Variants in EPB41L4A observed in about 807,000 individuals in gnomAD.
The protein encoded by EPB41L4A is erythrocyte membrane protein band 4.1 like 4A.
A neutral mutation model predicts 108.6 loss-of-function variants in EPB41L4A; 100 were observed. The observed-to-expected ratio is 0.92, with a 90% confidence interval of 0.78 to 1.09. The LOEUF (loss-of-function observed/expected upper bound fraction) is 1.09, where lower values mean the gene tolerates loss of function less well. EPB41L4A is among the 50% of genes least tolerant of loss of function. The pLI is 0.00. For synonymous variants in EPB41L4A, 319 were observed against 289.0 expected, an observed-to-expected ratio of 1.10 and a Z score of -1.05; for missense variants, 1,030 against 842.7, an observed-to-expected ratio of 1.22 and a Z score of -2.75.
At chr5:112,333,125 T>C (rs1371502209) in intron 1 of EPB41L4A, among the ~76,000 whole-genome samples, 1 of 151,282 alleles carries the variant, frequency 6.6e-6, no homozygotes, top group African/African-American at 2.4e-5. Flanking sequence ...TGCAGGACTA[T>C]TATCTTTCTC....
chr5:112,382,674 T>C (rs2112614772), intron 1 of EPB41L4A, among the ~76,000 whole-genome samples: 1 of 152,242 alleles, frequency 6.6e-6, no homozygotes, highest in Non-Finnish European at 1.5e-5. Context: ...CACTGTCACT[T>C]GATGTGGGAG....
chr5:112,184,399 C>G (rs1262201707), intron 17 of EPB41L4A, among the ~76,000 whole-genome samples: 1 of 152,114 alleles, frequency 6.6e-6, no homozygotes, highest in Non-Finnish European at 1.5e-5. Flanking sequence ...AGACATGTAT[C>G]AAAAACTTAT....
chr5:112,153,014 T>G (rs1275515060), intron 12 of EPB41L4A, among the ~76,000 whole-genome samples: 1 of 135,998 alleles, frequency 7.4e-6, no homozygotes. Context: ...AGTTCAGGAG[T>G]TCGAGACTAG....
At chr5:112,274,519 A>T (rs538347258) in intron 4 of EPB41L4A, among the ~76,000 whole-genome samples, 1 of 152,302 alleles carries the variant, frequency 6.6e-6, no homozygotes, top group Admixed American at 6.5e-5. Context: ...GAAAGCATGG[A>T]ATAGAAACAA....
At position 112,163,854 on chromosome 5, in the gene EPB41L4A, A is replaced by T. The variant is rs1433896563; in HGVS notation, c.*1136T>A. 1.3e-5 allele frequency: 2 copies of T among 152,278 alleles called. No homozygotes were observed. The highest frequency in any genetic ancestry group is 2.9e-5 in the Non-Finnish European group (2 of 68,060). 9.4% of individuals were successfully genotyped at this position (152,278 alleles called of 1,614,324 possible). A position where few individuals can be genotyped will look rare whatever the true frequency, so the allele number is the denominator to read the frequency against. On this transcript the variant is annotated 3_prime_UTR_variant, in exon 23 of 23. Coordinates refer to ENST00000261486, the MANE Select transcript of EPB41L4A (RefSeq NM_022140.5). ...GAATAATTGAATACATTAATATAGG[A>T]GGACAGACAAAGATCCTGAAAAGGC...
intron 1 of EPB41L4A, among the ~76,000 whole-genome samples, chr5:112,384,102 G>C (rs1760344297): frequency 6.6e-6 from 1 of 152,106 alleles, no homozygotes; most frequent in African/African-American, 2.4e-5. Flanking sequence ...GTCGCTGGTG[G>C]GGAGGATGGG....
rs567342264 is a variant in EPB41L4A at position 112,327,890 on chromosome 5, T to C, written c.100-20400A>G. Among the ~76,000 whole-genome samples the C allele has an allele frequency of 1.1e-3, 169 of 152,346 alleles. 1 individual carries two copies. Among genetic ancestry groups the C allele is most frequent in the African/African-American group, 4.0e-3 (165 of 41,584 alleles). ...CAGTCAAACCATTCTTCATGTTCAC[T>C]GCAGTTCTACCATACATTTTCACTA... On this transcript the variant is annotated intron_variant, in intron 1 of 22. Transcript: ENST00000261486.
chr5:112,317,697 A>G (rs2150611120), intron 1 of EPB41L4A, among the ~76,000 whole-genome samples: 1 of 152,364 alleles, frequency 6.6e-6, no homozygotes, highest in South Asian at 2.1e-4. Flanking sequence ...CTTTCTGTTA[A>G]GCTAGATATC....
rs756131340 is a variant in EPB41L4A, at chr5:112,287,541, C to T, written c.205-7218G>A. On this transcript the variant is annotated intron_variant, in intron 2 of 22. Coordinates refer to ENST00000261486, the MANE Select transcript of EPB41L4A (RefSeq NM_022140.5). Reference sequence around the variant, plus strand: ...GCAGTTAGAGAAAATCATTTCAACACGGATCAAATCAGTTAACTCTTTTCT... The same window carrying T: ...GCAGTTAGAGAAAATCATTTCAACATGGATCAAATCAGTTAACTCTTTTCT... Among the ~76,000 whole-genome samples the T allele has an allele frequency of 4.6e-5, 7 of 152,212 alleles. No individual in the cohort carries two copies. In the South Asian group the frequency reaches 6.2e-4, roughly 14 times the overall value.
At chr5:112,221,870 A>G (rs964192911) in intron 12 of EPB41L4A, among the ~76,000 whole-genome samples, 2 of 152,228 alleles carry the variant, frequency 1.3e-5, no homozygotes, top group African/African-American at 4.8e-5. Flanking sequence ...AAGAAGACTG[A>G]AAACATTAAC....
intron 1 of EPB41L4A, among the ~76,000 whole-genome samples, chr5:112,315,137 T>C (rs1466422590): frequency 1.3e-5 from 2 of 152,156 alleles, no homozygotes; most frequent in Admixed American, 6.5e-5. Flanking sequence ...AAAATCCTAC[T>C]TATCCTTCAA....
chr5:112,292,459 A>G (rs936268461), intron 2 of EPB41L4A, among the ~76,000 whole-genome samples: 1 of 152,138 alleles, frequency 6.6e-6, no homozygotes, highest in Non-Finnish European at 1.5e-5. Flanking sequence ...GCAGCTCTCA[A>G]AACTCATAGT....
chr5:112,225,042 C>T (rs1181962855), intron 12 of EPB41L4A, among the ~76,000 whole-genome samples: 1 of 152,208 alleles, frequency 6.6e-6, no homozygotes, highest in African/African-American at 2.4e-5. Flanking sequence ...GATGTGAGAG[C>T]TATTATTATG....
intron 1 of EPB41L4A, among the ~76,000 whole-genome samples, chr5:112,334,986 G>A (rs914373821): frequency 6.6e-6 from 1 of 152,094 alleles, no homozygotes; most frequent in Non-Finnish European, 1.5e-5. Context: ...CAAAACACTG[G>A]CCTATACTAG....
chr5:112,194,576 C>CT lies in EPB41L4A; in HGVS notation c.1493dup (p.Arg499GlufsTer9). 1 of 1,588,050 alleles carries CT rather than the reference C, an allele frequency of 6.3e-7. No homozygotes were observed. The highest frequency in any genetic ancestry group is 8.6e-7 in the Non-Finnish European group (1 of 1,160,640). On this transcript the variant is annotated frameshift_variant, in exon 17 of 23. Coordinates refer to ENST00000261486, the MANE Select transcript of EPB41L4A (RefSeq NM_022140.5). LOFTEE classifies it high-confidence loss of function. ...TAATATTGAGATATTACCTGTTTCT[C>CT]TTTTTCCGGTATTCTCTATTAGAAT...
rs927999270 is a variant in EPB41L4A, at chr5:112,268,872, T to C, written c.336-2542A>G. Among the ~76,000 whole-genome samples, 107 of 132,766 alleles carry C rather than the reference T, an allele frequency of 8.1e-4. 2 individuals are homozygous for C. Among genetic ancestry groups the C allele is most frequent in the African/African-American group, 2.7e-3 (102 of 38,068 alleles). 87.1% of individuals were successfully genotyped at this position (132,766 alleles called of 152,430 possible). ...AAAAAAAAAAAAAAAAAAAAGACTT[T>C]AACATCTGACTAGACAATCAAATCT... On this transcript the variant is annotated intron_variant, in intron 4 of 22. Transcript: ENST00000261486.
intron 2 of EPB41L4A, 51 bp from the exon 3 acceptor site, chr5:112,280,374 C>G (rs780146229): frequency 2.0e-6 from 3 of 1,521,694 alleles, no homozygotes; most frequent in Non-Finnish European, 2.7e-6. Flanking sequence ...TTTTCATTAG[C>G]TTTTACTTCA....
At chr5:112,201,545 A>G (rs1309400861) in intron 15 of EPB41L4A, among the ~76,000 whole-genome samples, 1 of 152,210 alleles carries the variant, frequency 6.6e-6, no homozygotes, top group East Asian at 1.9e-4. Context: ...TCTGCTCAAC[A>G]TGTGTAATTA....
rs66953318 is a variant in EPB41L4A at position 112,213,353 on chromosome 5, G to GT, written c.1088-3372dup. 1.8e-3 allele frequency among the ~76,000 whole-genome samples: 257 copies of GT among 144,518 alleles called. 1 individual carries two copies. Among genetic ancestry groups the GT allele is most frequent in the African/African-American group, 5.2e-3 (201 of 38,408 alleles). 94.8% of individuals were successfully genotyped at this position (144,518 alleles called of 152,430 possible). Reference sequence around the variant, plus strand: ...GTTAACATGTACAGTTTTTTTTTTTGTTTTTTTTTTTTTAAGATAGACTCT... The same window carrying GT: ...GTTAACATGTACAGTTTTTTTTTTTGTTTTTTTTTTTTTTAAGATAGACTCT... On this transcript the variant is annotated intron_variant, in intron 12 of 22. Coordinates refer to ENST00000261486, the MANE Select transcript of EPB41L4A (RefSeq NM_022140.5).
Sources: gnomAD v4.1 joint callset for allele counts (sites outside exome capture counted in the v4.1 genomes callset) on GRCh38, gnomAD v4.1.1 for gene constraint, MANE v1.5 for transcripts, NCBI Gene and HGNC (gene_info 2026-07-23, HGNC 2026-07-21) for gene names.